The following CSMD3 variants were observed in gnomAD, a reference collection of about 807,000 sequenced individuals.
CSMD3 encodes the protein CUB and Sushi multiple domains 3, also known as CUB and sushi domain-containing protein 3.
CSMD3 carries 177 observed loss-of-function variants against 435.2 expected under a neutral mutation model. That is an observed-to-expected ratio of 0.41 (90% CI 0.36 to 0.46). The LOEUF (loss-of-function observed/expected upper bound fraction) is 0.46, where lower values mean the gene tolerates loss of function less well. Ranked by LOEUF, CSMD3 falls within the 20% of genes least tolerant of loss-of-function variation. The pLI is 0.34. For synonymous variants in CSMD3, 1,656 were observed against 1,520.5 expected, an observed-to-expected ratio of 1.09 and a Z score of -2.07; for missense variants, 4,265 against 4,504.6, an observed-to-expected ratio of 0.95 and a Z score of 1.52.
At position 112,506,724 on chromosome 8, in the gene CSMD3, T is replaced by C. The variant is rs1563632779; in HGVS notation, c.4862A>G (p.Asn1621Ser). ...SRDCDWTITV[N>S]ADYVISLAFI... ...CGCCAAGGAGATAACATAGTCTGCA[T>C]TGACGGTGATAGTCCAGTCACAGTC... is the stretch of plus-strand genomic sequence containing the variant. The change falls in exon 29 of 71, where the codon AAT (asparagine) becomes AGT (serine). Residue 1621 changes from asparagine (N) to serine (S), a missense_variant. By Grantham distance (46) the Asn-to-Ser change is conservative. Coordinates refer to ENST00000297405, the MANE Select transcript of CSMD3 (RefSeq NM_198123.2). 2 of 1,613,576 alleles carry C rather than the reference T, an allele frequency of 1.2e-6. No homozygotes were observed. Among genetic ancestry groups the C allele is most frequent in the Non-Finnish European group, 8.5e-7 (1 of 1,179,526 alleles).
At chr8:113,309,372 T>C (rs1487356072) in intron 2 of CSMD3, 2 of 152,218 alleles carry the variant, frequency 1.3e-5, no homozygotes, top group African/African-American at 2.4e-5. Context: ...TTTCAGCCTA[T>C]GCTTCCTTCG....
intron 32 of CSMD3, among the ~76,000 whole-genome samples, chr8:112,450,334 A>T (rs1816115605): frequency 6.6e-6 from 1 of 152,204 alleles, no homozygotes; most frequent in Non-Finnish European, 1.5e-5. Context: ...CATTGTAATT[A>T]ATATACAGAA....
intron 4 of CSMD3, among the ~76,000 whole-genome samples, chr8:113,162,597 G>C (rs911462603): frequency 7.0e-5 from 10 of 142,664 alleles, no homozygotes; most frequent in Admixed American, 2.1e-4. Context: ...AAAAAAACTT[G>C]TTTACTCTAA....
rs1201647148 is a variant in CSMD3, at chr8:112,301,807, T to C, written c.8426A>G (p.Glu2809Gly). 6.2e-7 allele frequency: 1 copy of C among 1,613,678 alleles called. No individual in the cohort carries two copies. Among genetic ancestry groups the C allele is most frequent in the Non-Finnish European group, 8.5e-7 (1 of 1,179,734 alleles). ...CLSSGLWSES[E>G]TRCLAGHCGI... ...AAAATCTGTACCTAGGCATCTGGTT[T>C]CAGATTCACTCCAAAGACCTGAGGA... is the stretch of plus-strand genomic sequence containing the variant. Residue 2809 changes from glutamate (E) to glycine (G), a missense_variant, in exon 53 of 71, where the codon GAA (glutamate) becomes GGA (glycine). Transcript: ENST00000297405.
chr8:112,439,773 C>A (rs1010610466), intron 32 of CSMD3, among the ~76,000 whole-genome samples: 4 of 152,030 alleles, frequency 2.6e-5, no homozygotes, highest in African/African-American at 7.2e-5. Context: ...AGGTCCCTCA[C>A]CAAACCATCA....
intron 66 of CSMD3, among the ~76,000 whole-genome samples, chr8:112,239,030 C>G (rs546627827): frequency 3.3e-5 from 5 of 152,008 alleles, no homozygotes; most frequent in Admixed American, 6.6e-5. Flanking sequence ...AATAGCTGAG[C>G]CTTGGCCAAT....
intron 53 of CSMD3, among the ~76,000 whole-genome samples, chr8:112,300,272 A>G (rs1820788432): frequency 2.5e-5 from 3 of 119,984 alleles, no homozygotes; most frequent in East Asian, 5.5e-4. Context: ...GTATGTATAA[A>G]TATATATTTC....
intron 32 of CSMD3, among the ~76,000 whole-genome samples, chr8:112,430,103 G>A (rs1291921659): frequency 1.3e-5 from 2 of 152,026 alleles, no homozygotes; most frequent in Non-Finnish European, 2.9e-5. Context: ...TGGGAGAAAA[G>A]CAAACCTGTT....
intron 4 of CSMD3, among the ~76,000 whole-genome samples, chr8:113,133,563 G>T (rs757688998): frequency 6.6e-6 from 1 of 152,094 alleles, no homozygotes; most frequent in Non-Finnish European, 1.5e-5. Flanking sequence ...ATATGATCCA[G>T]CAATCCCACT....
At chr8:113,206,403 G>C (rs192205531) in intron 3 of CSMD3, among the ~76,000 whole-genome samples, 287 of 152,176 alleles carry the variant, frequency 1.9e-3, no homozygotes, top group South Asian at 9.8e-3. Flanking sequence ...TCCTAAGAGT[G>C]AAACAATGTT....
intron 25 of CSMD3, 119 bp downstream of exon 25, chr8:112,556,644 A>T: frequency 1.3e-6 from 1 of 746,022 alleles, no homozygotes; most frequent in Non-Finnish European, 2.2e-6. Flanking sequence ...CTATGAGTTC[A>T]TTAATTTCTC....
chr8:112,258,462 C>G (rs1816021579), intron 61 of CSMD3, among the ~76,000 whole-genome samples: 1 of 152,140 alleles, frequency 6.6e-6, no homozygotes, highest in Non-Finnish European at 1.5e-5. Context: ...AAAAAGTGGA[C>G]AAAGGATATG....
chr8:113,257,244 T>TA, intron 3 of CSMD3, among the ~76,000 whole-genome samples: 1 of 152,018 alleles, frequency 6.6e-6, no homozygotes, highest in South Asian at 2.1e-4. Context: ...ACCTCCCTAC[T>TA]AAAAAAATTC....
intron 27 of CSMD3, among the ~76,000 whole-genome samples, chr8:112,544,292 G>A (rs1826954033): frequency 6.6e-6 from 1 of 152,022 alleles, no homozygotes; most frequent in Non-Finnish European, 1.5e-5. Context: ...ACTGTAAAAT[G>A]ATTAACACAT....
chr8:113,072,480 C>T (rs10111703), intron 5 of CSMD3, among the ~76,000 whole-genome samples: 101,845 of 151,398 alleles, frequency 0.67, 35,865 homozygotes, highest in East Asian at 0.95. Flanking sequence ...TCTTCTATAT[C>T]TGTTTTGTTT....
At chr8:112,382,580 A>G (rs1829573991) in intron 37 of CSMD3, among the ~76,000 whole-genome samples, 2 of 152,222 alleles carry the variant, frequency 1.3e-5, no homozygotes, top group South Asian at 2.1e-4. Context: ...AGCTATATTT[A>G]TATTTCTAGA....
At chr8:112,927,535 C>T (rs1375790192) in intron 9 of CSMD3, among the ~76,000 whole-genome samples, 1 of 152,022 alleles carries the variant, frequency 6.6e-6, no homozygotes, top group Admixed American at 6.6e-5. Flanking sequence ...TGGTATTAAT[C>T]TGTTTATTTG....
chr8:113,399,193 G>A (rs949393895), intron 1 of CSMD3, among the ~76,000 whole-genome samples: 1 of 147,890 alleles, frequency 6.8e-6, no homozygotes, highest in African/African-American at 2.5e-5. Flanking sequence ...ACAAGTATTG[G>A]CAAGAATGTG....
chr8:112,520,636 A>G (rs2131010102), intron 27 of CSMD3, among the ~76,000 whole-genome samples: 1 of 152,144 alleles, frequency 6.6e-6, no homozygotes, highest in African/African-American at 2.4e-5. Flanking sequence ...TTTTACTATA[A>G]TGGAAAGCAG....
Sources: allele counts gnomAD v4.1 joint callset (sites outside exome capture counted in the v4.1 genomes callset), GRCh38; gene constraint gnomAD v4.1.1; transcripts MANE v1.5; gene names NCBI Gene and HGNC (gene_info 2026-07-23, HGNC 2026-07-21).